GPC5: variants seen among roughly 807,000 people sequenced by gnomAD.
The protein encoded by GPC5 is glypican-5.
A neutral mutation model predicts 53.9 loss-of-function variants in GPC5; 47 were observed. The observed-to-expected ratio is 0.87, with a 90% CI of 0.69 to 1.11. GPC5 has a LOEUF of 1.11. GPC5 is among the 50% of genes most tolerant of loss of function. GPC5 has a pLI of 0.00. For synonymous variants in GPC5, 286 were observed against 263.3 expected, an observed-to-expected ratio of 1.09 and a Z score of -0.84; for missense variants, 748 against 713.1, an observed-to-expected ratio of 1.05 and a Z score of -0.56.
chr13:91,957,778 T>C (rs2040087584), intron 6 of GPC5, among the ~76,000 whole-genome samples: 1 of 151,894 alleles, frequency 6.6e-6, no homozygotes, highest in Non-Finnish European at 1.5e-5. Flanking sequence ...ACTAGCCCTA[T>C]AAGAAATATT....
intron 6 of GPC5, among the ~76,000 whole-genome samples, chr13:91,994,367 G>C (rs1475935532): frequency 6.6e-6 from 1 of 152,100 alleles, no homozygotes; most frequent in Non-Finnish European, 1.5e-5. Flanking sequence ...GTTGTTGAAG[G>C]CATCAAAGAA....
chr13:92,071,497 C>A (rs1392546611), intron 6 of GPC5, among the ~76,000 whole-genome samples: 4 of 151,940 alleles, frequency 2.6e-5, no homozygotes, highest in Non-Finnish European at 5.9e-5. Context: ...CATTTTGTTC[C>A]AAATAGTTAA....
At chr13:92,658,924 G>GTTTTTTTTTTTTTTTTTTTTTTT (rs71123426) in intron 7 of GPC5, 2 of 85,594 alleles carry the variant, frequency 2.3e-5, no homozygotes, top group Non-Finnish European at 4.3e-5. Context: ...TATATGTTTT[G>GTTTTTTTTTTTTTTTTTTTTTTT]TTTTTTTTTT....
chr13:91,745,056 C>T (rs1290905140), intron 4 of GPC5, among the ~76,000 whole-genome samples: 1 of 152,054 alleles, frequency 6.6e-6, no homozygotes, highest in Non-Finnish European at 1.5e-5. Flanking sequence ...ATCTTGAACA[C>T]TTGGTCGAGT....
At position 92,638,996 on chromosome 13, in the gene GPC5, T is replaced by TAA. The variant is rs1203245559; in HGVS notation, c.1562-227285_1562-227284insAA. ...CTGTTTACACCATATAAATTCTACA[T>TAA]ATAAATAGGTGGAGAGGTAGTCATA... is the stretch of plus-strand genomic sequence containing the variant. On this transcript the variant is annotated intron_variant, in intron 7 of 7. Transcript: ENST00000377067. Among the ~76,000 whole-genome samples the TAA allele has an allele frequency of 8.5e-3, 1,301 of 152,308 alleles. 19 individuals carry two copies. The highest frequency in any genetic ancestry group is 0.03 in the African/African-American group (1,248 of 41,574).
chr13:91,612,964 A>C (rs2139321033), intron 2 of GPC5, among the ~76,000 whole-genome samples: 1 of 152,338 alleles, frequency 6.6e-6, no homozygotes, highest in East Asian at 1.9e-4. Context: ...ACATTAGGCT[A>C]TGGATTCATA....
chr13:91,595,838 C>A (rs1429543425), intron 2 of GPC5, among the ~76,000 whole-genome samples: 1 of 152,194 alleles, frequency 6.6e-6, no homozygotes, highest in African/African-American at 2.4e-5. Flanking sequence ...GGCTTGCTGT[C>A]CCCACCATTC....
At chr13:92,722,539 G>A (rs1448457717) in intron 7 of GPC5, among the ~76,000 whole-genome samples, 1 of 151,842 alleles carries the variant, frequency 6.6e-6, no homozygotes, top group Admixed American at 6.6e-5. Flanking sequence ...ATGAGAGGAA[G>A]ACATTCCATC....
chr13:92,064,913 C>CA (rs2041156017), intron 6 of GPC5, among the ~76,000 whole-genome samples: 1 of 4,048 alleles, frequency 2.5e-4, no homozygotes, highest in Admixed American at 4.2e-3. Flanking sequence ...TTTAAATAAT[C>CA]CTTTTTTTAT....
intron 5 of GPC5, among the ~76,000 whole-genome samples, chr13:91,766,038 G>A (rs2037516464): frequency 6.6e-6 from 1 of 152,184 alleles, no homozygotes; most frequent in Admixed American, 6.5e-5. Context: ...CTTTGTCACT[G>A]TCTACTCTTT....
At chr13:91,653,073 T>C (rs73609983) in intron 2 of GPC5, among the ~76,000 whole-genome samples, 9,883 of 152,292 alleles carry the variant, frequency 0.065, 1,082 homozygotes, top group African/African-American at 0.22. Context: ...ATTTTTCAGT[T>C]TGTCTGATGT....
rs569779524 is a variant in GPC5, at chr13:92,437,113, A to G, written c.1561+292124A>G. 5.3e-5 allele frequency among the ~76,000 whole-genome samples: 8 copies of G among 152,260 alleles called. No individual in the cohort carries two copies. In the East Asian group the frequency reaches 1.4e-3, roughly 26 times the overall value. ...ACTTGCTTTGAAAAGCAGACATCCA[A>G]CATTGCTCTGACATAGATTTAAGAG... is the stretch of plus-strand genomic sequence containing the variant. On this transcript the variant is annotated intron_variant, in intron 7 of 7. Transcript: ENST00000377067.
chr13:91,527,769 C>T (rs546244671), intron 2 of GPC5, among the ~76,000 whole-genome samples: 34 of 152,346 alleles, frequency 2.2e-4, no homozygotes, highest in African/African-American at 7.7e-4. Flanking sequence ...GGCAGAGGCT[C>T]CTAAAGCTCA....
chr13:92,602,218 T>TAA (rs1566313987), intron 7 of GPC5, among the ~76,000 whole-genome samples: 1 of 13,634 alleles, frequency 7.3e-5, no homozygotes, highest in South Asian at 9.3e-3. Context: ...TACATATATA[T>TAA]AAATATATAT....
chr13:92,613,574 T>A (rs1202799808), intron 7 of GPC5, among the ~76,000 whole-genome samples: 3 of 124,984 alleles, frequency 2.4e-5, no homozygotes, highest in African/African-American at 9.5e-5. Flanking sequence ...ATATATATAA[T>A]ATATAATATT....
intron 5 of GPC5, among the ~76,000 whole-genome samples, chr13:91,771,974 G>A (rs2037633452): frequency 6.6e-6 from 1 of 152,174 alleles, no homozygotes; most frequent in East Asian, 1.9e-4. Context: ...AAAGAATATG[G>A]GTAGTTACTG....
intron 3 of GPC5, among the ~76,000 whole-genome samples, chr13:91,717,856 G>A (rs926587138): frequency 1.3e-5 from 2 of 151,482 alleles, no homozygotes; most frequent in Admixed American, 1.3e-4. Context: ...CGCCTGGCCT[G>A]CTTGCACATT....
intron 7 of GPC5, among the ~76,000 whole-genome samples, chr13:92,412,172 A>G (rs1326148274): frequency 1.3e-5 from 2 of 152,186 alleles, no homozygotes; most frequent in Non-Finnish European, 2.9e-5. Context: ...AAACTCTTAA[A>G]AATGCTTGTA....
At chr13:92,293,255 C>A (rs566419312) in intron 7 of GPC5, among the ~76,000 whole-genome samples, 1 of 151,814 alleles carries the variant, frequency 6.6e-6, no homozygotes, top group Admixed American at 6.6e-5. Context: ...ATTGCTTTGG[C>A]AGTATGGTCA....
Sources: allele counts gnomAD v4.1 joint callset (sites outside exome capture counted in the v4.1 genomes callset), GRCh38; gene constraint gnomAD v4.1.1; transcripts MANE v1.5; gene names NCBI Gene and HGNC (gene_info 2026-07-23, HGNC 2026-07-21).